ADAMTSL1: variants seen among roughly 807,000 people sequenced by gnomAD.
ADAMTSL1 encodes the protein ADAMTS-like protein 1.
ADAMTSL1 carries 126 observed loss-of-function variants against 201.8 expected under a neutral mutation model. The ratio of observed to expected loss-of-function variants is 0.62; its 90% CI spans 0.54 to 0.72. ADAMTSL1 has a LOEUF of 0.72. Among genes scored for constraint, ADAMTSL1 ranks in the 30% least tolerant of loss-of-function variants. ADAMTSL1 has a pLI of 0.00. For missense variants in ADAMTSL1, 2,679 were observed against 2,277.8 expected (o/e 1.18, Z -3.59); for synonymous variants, 1,121 against 903.4 (o/e 1.24, Z -4.32).
chr9:18,328,854 A>G (rs761501121), intron 2 of ADAMTSL1, among the ~76,000 whole-genome samples: 1 of 152,176 alleles, frequency 6.6e-6, no homozygotes, highest in Non-Finnish European at 1.5e-5. Context: ...GTCCCCAGAA[A>G]TGACAGGATG....
At chr9:18,176,661 A>C (rs1388791470) in intron 2 of ADAMTSL1, among the ~76,000 whole-genome samples, 2 of 152,182 alleles carry the variant, frequency 1.3e-5, no homozygotes, top group African/African-American at 4.8e-5. Flanking sequence ...TCAACTTAAC[A>C]ACCATTTACT....
At chr9:18,423,735 T>A (rs1234662935) in intron 2 of ADAMTSL1, among the ~76,000 whole-genome samples, 2 of 152,208 alleles carry the variant, frequency 1.3e-5, no homozygotes, top group Non-Finnish European at 2.9e-5. Flanking sequence ...TAGAAAAGAT[T>A]GGGTGTTGAA....
At chr9:18,652,658 C>T (rs1206142545) in intron 7 of ADAMTSL1, among the ~76,000 whole-genome samples, 1 of 152,092 alleles carries the variant, frequency 6.6e-6, no homozygotes, top group African/African-American at 2.4e-5. Context: ...AATTGTAGCC[C>T]AGCACATTTA....
At chr9:18,239,030 C>G (rs185084914) in intron 2 of ADAMTSL1, among the ~76,000 whole-genome samples, 9 of 152,268 alleles carry the variant, frequency 5.9e-5, no homozygotes, top group Non-Finnish European at 8.8e-5. Flanking sequence ...TTTATAATAG[C>G]ATTATGTCTA....
intron 2 of ADAMTSL1, among the ~76,000 whole-genome samples, chr9:18,443,320 C>T (rs1820068414): frequency 6.6e-6 from 1 of 152,198 alleles, no homozygotes; most frequent in Non-Finnish European, 1.5e-5. Context: ...GAGCTGACAA[C>T]CTTTTATGAT....
At chr9:18,286,224 A>G (rs2132653244) in intron 2 of ADAMTSL1, among the ~76,000 whole-genome samples, 1 of 152,340 alleles carries the variant, frequency 6.6e-6, no homozygotes, top group Admixed American at 6.5e-5. Context: ...AACGTGGTCT[A>G]TATATCTAAA....
chr9:18,858,835 G>A (rs886909698), intron 23 of ADAMTSL1, among the ~76,000 whole-genome samples: 2 of 152,100 alleles, frequency 1.3e-5, no homozygotes, highest in African/African-American at 4.8e-5. Flanking sequence ...TTTAACCTGG[G>A]GTCCACAAGC....
chr9:18,185,135 G>C (rs1017773938), intron 2 of ADAMTSL1, among the ~76,000 whole-genome samples: 1 of 152,066 alleles, frequency 6.6e-6, no homozygotes, highest in Non-Finnish European at 1.5e-5. Flanking sequence ...TTATAGCCTG[G>C]TGTTCATAAT....
At chr9:18,656,638 A>G (rs922674387) in intron 7 of ADAMTSL1, among the ~76,000 whole-genome samples, 4 of 151,586 alleles carry the variant, frequency 2.6e-5, no homozygotes, top group East Asian at 3.9e-4. Context: ...CAAAAAAAAA[A>G]AAAAAAAGAA....
chr9:17,980,492 C>A (rs914915665), intron 1 of ADAMTSL1, among the ~76,000 whole-genome samples: 1 of 152,044 alleles, frequency 6.6e-6, no homozygotes, highest in African/African-American at 2.4e-5. Context: ...ATTTCTAGCA[C>A]TTCTACTTGA....
intron 4 of ADAMTSL1, among the ~76,000 whole-genome samples, chr9:18,604,629 T>A (rs1243792361): frequency 6.6e-6 from 1 of 152,246 alleles, no homozygotes; most frequent in African/African-American, 2.4e-5. Flanking sequence ...TTTTGTTGTA[T>A]GAATATATAA....
chr9:18,468,767 T>G (rs149633870), intron 2 of ADAMTSL1, among the ~76,000 whole-genome samples: 1 of 152,228 alleles, frequency 6.6e-6, no homozygotes, highest in Non-Finnish European at 1.5e-5. Flanking sequence ...TTTCTTCTAC[T>G]GACTGGGGTC....
chr9:18,787,479 C>G (rs1354481018), intron 19 of ADAMTSL1, among the ~76,000 whole-genome samples: 1 of 152,084 alleles, frequency 6.6e-6, no homozygotes, highest in Non-Finnish European at 1.5e-5. Context: ...TTTACTCTTC[C>G]TGGAAGAGTG....
chr9:17,984,905 A>C (rs1313172656), intron 1 of ADAMTSL1, among the ~76,000 whole-genome samples: 1 of 152,156 alleles, frequency 6.6e-6, no homozygotes, highest in Non-Finnish European at 1.5e-5. Flanking sequence ...AATGTTACTT[A>C]AATTTTCAAA....
intron 23 of ADAMTSL1, 72 bp from the exon 24 acceptor site, chr9:18,887,759 C>G: frequency 7.4e-7 from 1 of 1,360,512 alleles, no homozygotes; most frequent in Non-Finnish European, 1.0e-6. Context: ...GCCACACAGA[C>G]AGTAAACCAG....
intron 3 of ADAMTSL1, among the ~76,000 whole-genome samples, chr9:18,543,885 T>C (rs1271133221): frequency 5.3e-5 from 8 of 152,158 alleles, no homozygotes; most frequent in African/African-American, 2.4e-5. Flanking sequence ...ACATTTCTTT[T>C]TTAATGCTTT....
At chr9:18,707,442 C>T (rs1832295857) in intron 14 of ADAMTSL1, among the ~76,000 whole-genome samples, 1 of 152,214 alleles carries the variant, frequency 6.6e-6, no homozygotes, top group Non-Finnish European at 1.5e-5. Context: ...AAGTCGGAGT[C>T]CCTCCGATGT....
Position 18,388,129 on chromosome 9 carries a change from C to A in ADAMTSL1, c.208-116700C>A, listed in dbSNP as rs146061021. On this transcript the variant is annotated intron_variant, in intron 2 of 29. Transcript: ENST00000680146. The stretch of plus-strand genomic sequence containing the variant: ...TAGTTTTTAAATCCTATATTTTGAA[C>A]CTTTTTATGTCCCTGAATTTTACAC... 1.3e-3 allele frequency among the ~76,000 whole-genome samples: 201 copies of A among 151,918 alleles called. 1 individual carries two copies. Among genetic ancestry groups the A allele is most frequent in the African/African-American group, 4.6e-3 (191 of 41,458 alleles).
intron 1 of ADAMTSL1, among the ~76,000 whole-genome samples, chr9:18,120,626 CATA>C (rs1825457235): frequency 1.3e-5 from 2 of 152,128 alleles, no homozygotes; most frequent in African/African-American, 2.4e-5. Flanking sequence ...TCCATATATG[CATA>C]ATATTATTTC....
Sources: allele counts gnomAD v4.1 joint callset (sites outside exome capture counted in the v4.1 genomes callset), GRCh38; gene constraint gnomAD v4.1.1; transcripts MANE v1.5; gene names NCBI Gene and HGNC (gene_info 2026-07-23, HGNC 2026-07-21).